The following ATXN7L1 variants were observed in gnomAD, a reference collection of about 807,000 sequenced individuals.
ATXN7L1 encodes the protein ataxin-7-like protein 1.
ATXN7L1 carries 15 observed loss-of-function variants against 70.8 expected under a neutral mutation model. The ratio of observed to expected loss-of-function variants is 0.21; its 90% CI spans 0.14 to 0.33. The LOEUF (loss-of-function observed/expected upper bound fraction) is 0.33, where lower values mean the gene tolerates loss of function less well. Among genes scored for constraint, ATXN7L1 ranks in the 10% least tolerant of loss-of-function variants. ATXN7L1 has a pLI of 1.00. For synonymous variants in ATXN7L1, 440 were observed against 445.1 expected (o/e 0.99, Z 0.14); for missense variants, 975 against 1,097.1 (o/e 0.89, Z 1.57).
intron 2 of ATXN7L1, chr7:105,819,965 A>T (rs1809871742): frequency 2.1e-6 from 1 of 481,310 alleles, no homozygotes; most frequent in South Asian, 1.5e-5. Context: ...CTGAAGGAGA[A>T]GAGGAAGGAG....
intron 3 of ATXN7L1, among the ~76,000 whole-genome samples, chr7:105,753,663 C>T (rs1325687397): frequency 6.7e-6 from 1 of 149,724 alleles, no homozygotes. Flanking sequence ...CAGGCTGAAC[C>T]ACCCATTCTA....
At chr7:105,681,452 G>A (rs1199175794) in intron 3 of ATXN7L1, among the ~76,000 whole-genome samples, 1 of 152,186 alleles carries the variant, frequency 6.6e-6, no homozygotes, top group Non-Finnish European at 1.5e-5. Flanking sequence ...CACTGTTGGT[G>A]GGAATGTAAA....
At chr7:105,700,858 T>A (rs923097185) in intron 3 of ATXN7L1, among the ~76,000 whole-genome samples, 2 of 152,092 alleles carry the variant, frequency 1.3e-5, no homozygotes, top group Non-Finnish European at 2.9e-5. Flanking sequence ...ATTTTTGCAT[T>A]TTTTGTAGAG....
chr7:105,737,406 A>C (rs1797502480), intron 3 of ATXN7L1, among the ~76,000 whole-genome samples: 2 of 152,338 alleles, frequency 1.3e-5, no homozygotes, highest in Non-Finnish European at 2.9e-5. Context: ...CCTCATGACA[A>C]TTCCACGAAG....
chr7:105,847,177 G>C (rs1369603606), intron 2 of ATXN7L1, among the ~76,000 whole-genome samples: 1 of 152,218 alleles, frequency 6.6e-6, no homozygotes, highest in Non-Finnish European at 1.5e-5. Flanking sequence ...AAGCGTCACA[G>C]AGAAGAGACT....
intron 2 of ATXN7L1, among the ~76,000 whole-genome samples, chr7:105,824,655 A>G (rs1326325375): frequency 6.6e-6 from 1 of 152,174 alleles, no homozygotes; most frequent in East Asian, 1.9e-4. Context: ...ATATCTGACA[A>G]AAGGAATTCT....
intron 3 of ATXN7L1, among the ~76,000 whole-genome samples, chr7:105,694,872 G>T (rs1158541520): frequency 6.6e-6 from 1 of 152,232 alleles, no homozygotes; most frequent in Non-Finnish European, 1.5e-5. Context: ...CACAACCTCA[G>T]CCAGGCACGG....
At chr7:105,771,063 G>C (rs1333844516) in intron 3 of ATXN7L1, among the ~76,000 whole-genome samples, 1 of 152,008 alleles carries the variant, frequency 6.6e-6, no homozygotes, top group Non-Finnish European at 1.5e-5. Flanking sequence ...AGCTGGGTGT[G>C]GTGGTGGGCA....
chr7:105,790,660 TCTA>T (rs1805058926), intron 2 of ATXN7L1, among the ~76,000 whole-genome samples: 3 of 148,064 alleles, frequency 2.0e-5, no homozygotes, highest in East Asian at 2.0e-4. Flanking sequence ...CTATCATCTA[TCTA>T]CTATCTATCT....
At chr7:105,720,812 C>T (rs1795102035) in intron 3 of ATXN7L1, among the ~76,000 whole-genome samples, 1 of 152,068 alleles carries the variant, frequency 6.6e-6, no homozygotes, top group African/African-American at 2.4e-5. Flanking sequence ...TCTGGGTATC[C>T]ACTGGAAAAT....
intron 3 of ATXN7L1, among the ~76,000 whole-genome samples, chr7:105,775,771 G>C (rs1285275361): frequency 6.6e-6 from 1 of 152,176 alleles, no homozygotes; most frequent in East Asian, 1.9e-4. Flanking sequence ...CACGTTCTTA[G>C]GAAAAACATG....
chr7:105,648,719 C>A (rs1799433012), intron 4 of ATXN7L1, among the ~76,000 whole-genome samples: 1 of 152,196 alleles, frequency 6.6e-6, no homozygotes, highest in Admixed American at 6.5e-5. Context: ...CCGTGTGCAT[C>A]CCCCTCACTT....
At chr7:105,629,549 T>G (rs1796267990) in intron 7 of ATXN7L1, among the ~76,000 whole-genome samples, 1 of 151,074 alleles carries the variant, frequency 6.6e-6, no homozygotes, top group South Asian at 2.1e-4. Context: ...GGAGTCTCCC[T>G]CTGTCACCCA....
intron 3 of ATXN7L1, among the ~76,000 whole-genome samples, chr7:105,765,235 G>A (rs1384230183): frequency 6.6e-6 from 1 of 151,762 alleles, no homozygotes; most frequent in East Asian, 1.9e-4. Flanking sequence ...TCAGGAGGCT[G>A]AGGCAGGAGA....
intron 2 of ATXN7L1, among the ~76,000 whole-genome samples, chr7:105,828,949 G>A (rs1055981866): frequency 3.3e-5 from 5 of 152,182 alleles, no homozygotes; most frequent in Non-Finnish European, 5.9e-5. Flanking sequence ...ATGTCTTCAT[G>A]GGATAATGCC....
chr7:105,733,884 TCC>T (rs1797068450), intron 3 of ATXN7L1, among the ~76,000 whole-genome samples: 2 of 98,944 alleles, frequency 2.0e-5, no homozygotes, highest in African/African-American at 8.1e-5. Context: ...CCATCCATCA[TCC>T]ATCATCCATC....
intron 3 of ATXN7L1, among the ~76,000 whole-genome samples, chr7:105,753,077 G>A (rs1279572007): frequency 2.0e-5 from 3 of 152,248 alleles, no homozygotes; most frequent in African/African-American, 7.2e-5. Context: ...TAACCACTGT[G>A]ATGTGAGCCA....
chr7:105,652,851 C>G (rs1363099753), intron 4 of ATXN7L1, among the ~76,000 whole-genome samples: 2 of 152,228 alleles, frequency 1.3e-5, no homozygotes, highest in Non-Finnish European at 2.9e-5. Context: ...GCCAGGTACC[C>G]TGACACCTGC....
intron 3 of ATXN7L1, among the ~76,000 whole-genome samples, chr7:105,692,916 G>A (rs1791204304): frequency 6.6e-6 from 1 of 151,514 alleles, no homozygotes; most frequent in African/African-American, 2.4e-5. Flanking sequence ...TAGACACGGA[G>A]TCTTGCCACC....
Sources: allele counts gnomAD v4.1 joint callset (sites outside exome capture counted in the v4.1 genomes callset), GRCh38; gene constraint gnomAD v4.1.1; transcripts MANE v1.5; gene names NCBI Gene and HGNC (gene_info 2026-07-23, HGNC 2026-07-21).